The following FAM120C variants were observed in gnomAD, a reference collection of about 807,000 sequenced individuals.
FAM120C encodes the protein constitutive coactivator of PPAR-gamma-like protein 2.
In FAM120C, 14 loss-of-function variants were observed where a neutral mutation model predicts 71.2. The ratio of observed to expected loss-of-function variants is 0.20; its 90% CI spans 0.13 to 0.31. The LOEUF (loss-of-function observed/expected upper bound fraction) is 0.31, where lower values mean the gene tolerates loss of function less well. Among genes scored for constraint, FAM120C ranks in the 10% least tolerant of loss-of-function variants. The probability of loss-of-function intolerance (pLI) is 1.00; values close to 1 mark genes in which losing one functional copy is unlikely to be tolerated. For missense variants in FAM120C, 500 were observed against 879.0 expected, an observed-to-expected ratio of 0.57 and a Z score of 5.45; for synonymous variants, 354 against 353.2, an observed-to-expected ratio of 1.00 and a Z score of -0.03.
Position 54,174,322 on chromosome X carries a change from AG to A in FAM120C, c.699+8177del, listed in dbSNP as rs782370568. Among the ~76,000 whole-genome samples, 101 of 112,076 alleles carry A rather than the reference AG, an allele frequency of 9.0e-4. 6 individuals are homozygous for A. In the South Asian group the frequency reaches 0.038, roughly 42 times the overall value. On this transcript the variant is annotated intron_variant, in intron 1 of 15. Transcript: ENST00000375180. Reference sequence around the variant, plus strand: ...CCAGCCCACAAACGGGGGGGACAGGAGGAGATTACAAAAGGGTGTGAATACC... The same window carrying A: ...CCAGCCCACAAACGGGGGGGACAGGAGAGATTACAAAAGGGTGTGAATACC...
intron 4 of FAM120C, among the ~76,000 whole-genome samples, chrX:54,140,378 G>T (rs1215796114): frequency 9.1e-6 from 1 of 109,522 alleles, no homozygotes; most frequent in Non-Finnish European, 1.9e-5. Context: ...CAGCACTTTG[G>T]TAAGCTGAGG....
intron 4 of FAM120C, among the ~76,000 whole-genome samples, chrX:54,145,153 AC>A (rs1250736765): frequency 8.9e-6 from 1 of 112,395 alleles, no homozygotes; most frequent in Non-Finnish European, 1.9e-5. Flanking sequence ...TACGCCTTAT[AC>A]AAAAATTAAT....
At chrX:54,101,150 A>G (rs188223289) in intron 10 of FAM120C, among the ~76,000 whole-genome samples, 42 of 111,914 alleles carry the variant, frequency 3.8e-4, no homozygotes, top group Admixed American at 3.6e-3. Context: ...CTGCAGAATT[A>G]TCACCATGTG....
At chrX:54,157,582 A>T in intron 3 of FAM120C, 107 bp downstream of exon 3, 3 of 583,115 alleles carry the variant, frequency 5.1e-6, no homozygotes, top group Admixed American at 3.4e-5. Flanking sequence ...TTTCTTTTGT[A>T]TGTATGTGAA....
intron 9 of FAM120C, among the ~76,000 whole-genome samples, chrX:54,132,049 G>A (rs1391736865): frequency 9.2e-6 from 1 of 108,140 alleles, no homozygotes; most frequent in African/African-American, 3.4e-5. Flanking sequence ...ACTGCGCCCG[G>A]CCTTTATTAT....
At chrX:54,176,037 C>T (rs2146652233) in intron 1 of FAM120C, among the ~76,000 whole-genome samples, 1 of 112,142 alleles carries the variant, frequency 8.9e-6, no homozygotes, top group Non-Finnish European at 1.9e-5. Context: ...TGTCAAATAT[C>T]TTTAGGTCCA....
intron 3 of FAM120C, among the ~76,000 whole-genome samples, chrX:54,154,204 T>C (rs945106496): frequency 3.8e-5 from 4 of 104,098 alleles, no homozygotes; most frequent in African/African-American, 7.1e-5. Flanking sequence ...TGTTAAGAAG[T>C]AGGTATATTT....
Position 54,072,378 on chromosome X carries a change from A to T in FAM120C, c.*655T>A, listed in dbSNP as rs1290463541. ...CTGATTCACTTGAATCCCCCAGTAC[A>T]AAGGCCATTGATAGTTTTTTTGAAG... On this transcript the variant is annotated 3_prime_UTR_variant, in exon 16 of 16. Transcript: ENST00000375180. 9.0e-6 allele frequency: 1 copy of T among 110,568 alleles called. No homozygotes were observed. The highest frequency in any genetic ancestry group is 3.3e-5 in the African/African-American group (1 of 30,312). 9.1% of individuals were successfully genotyped at this position (110,568 alleles called of 1,213,427 possible).
At chrX:54,146,253 A>G (rs1290521960) in intron 4 of FAM120C, among the ~76,000 whole-genome samples, 1 of 111,726 alleles carries the variant, frequency 9.0e-6, no homozygotes, top group Non-Finnish European at 1.9e-5. Context: ...ACATGTATAC[A>G]TATGCAACAA....
intron 1 of FAM120C, among the ~76,000 whole-genome samples, chrX:54,164,743 C>G (rs1557134901): frequency 8.9e-6 from 1 of 111,794 alleles, no homozygotes; most frequent in Admixed American, 9.5e-5. Flanking sequence ...TCTTAGAGAT[C>G]CTGCTTTCAA....
chrX:54,111,896 A>G (rs1299242453), intron 10 of FAM120C, among the ~76,000 whole-genome samples: 1 of 112,417 alleles, frequency 8.9e-6, no homozygotes. Context: ...CTACAAGGCT[A>G]TAGTAACTAA....
chrX:54,160,150 C>T (rs1005005466), intron 1 of FAM120C, among the ~76,000 whole-genome samples: 1 of 111,653 alleles, frequency 9.0e-6, no homozygotes, highest in Non-Finnish European at 1.9e-5. Context: ...TGCTCAATAT[C>T]TATGTGCTGT....
intron 9 of FAM120C, among the ~76,000 whole-genome samples, chrX:54,117,354 A>AAAAATAAAATAAAATAAAATAAAAT (rs140650427): frequency 0.016 from 994 of 60,340 alleles, 22 homozygotes; most frequent in African/African-American, 0.026. Flanking sequence ...TCCTGTCTCT[A>AAAAATAAAATAAAATAAAATAAAAT]AAAATAAAAT....
intron 4 of FAM120C, among the ~76,000 whole-genome samples, chrX:54,142,665 G>A: frequency 8.9e-6 from 1 of 112,283 alleles, no homozygotes; most frequent in Non-Finnish European, 1.9e-5. Flanking sequence ...TCTGGGGGCA[G>A]GGCATAGCTG....
chrX:54,146,170 G>GT (rs2067154664), intron 4 of FAM120C, among the ~76,000 whole-genome samples: 1 of 110,517 alleles, frequency 9.0e-6, no homozygotes, highest in Non-Finnish European at 1.9e-5. Flanking sequence ...GGTGGGGGAA[G>GT]GGGGGAGGGA....
chrX:54,132,679 G>C lies in FAM120C; in HGVS notation c.2062+13C>G. 8.4e-7 allele frequency: 1 copy of C among 1,191,257 alleles called. No homozygotes were observed. Among genetic ancestry groups the C allele is most frequent in the Admixed American group, 2.3e-5 (1 of 44,027 alleles). On this transcript the variant is annotated intron_variant, in intron 9 of 15. Transcript: ENST00000375180. The stretch of plus-strand genomic sequence containing the variant: ...AGTGCTGAGAGAATTGTCATAGCTA[G>C]AACTACACTTACCTTCCACAGGCAG...
chrX:54,098,100 G>A (rs1327557617), intron 10 of FAM120C, among the ~76,000 whole-genome samples: 1 of 100,431 alleles, frequency 1.0e-5, no homozygotes, highest in Admixed American at 1.1e-4. Flanking sequence ...GGAGTGCAGT[G>A]ACACGGTCTC....
At chrX:54,085,984 G>T (rs1316237852) in intron 12 of FAM120C, 68 bp from the exon 13 acceptor site, 1 of 934,107 alleles carries the variant, frequency 1.1e-6, no homozygotes, top group Non-Finnish European at 1.5e-6. Context: ...TTAGGCCCAG[G>T]ATGGAGCACT....
In FAM120C at chrX:54,170,882, A is replaced by C. The variant is rs1482285521; in HGVS notation, c.700-11266T>G. 2.7e-5 allele frequency among the ~76,000 whole-genome samples: 3 copies of C among 111,959 alleles called. No homozygotes were observed. In the East Asian group the frequency reaches 8.4e-4, roughly 31 times the overall value. ...ATAGGCATTTGTTTAGCCCAAAGCA[A>C]ATCTTCACGACTGAGAAGTCAGAGG... On this transcript the variant is annotated intron_variant, in intron 1 of 15. Coordinates refer to ENST00000375180, the MANE Select transcript of FAM120C (RefSeq NM_017848.6).
Sources: gnomAD v4.1 joint callset for allele counts (sites outside exome capture counted in the v4.1 genomes callset) on GRCh38, gnomAD v4.1.1 for gene constraint, MANE v1.5 for transcripts, NCBI Gene and HGNC (gene_info 2026-07-23, HGNC 2026-07-21) for gene names.